The following ARHGEF4 variants were observed in gnomAD, a reference collection of about 807,000 sequenced individuals.
ARHGEF4 encodes Rho guanine nucleotide exchange factor 4.
In ARHGEF4, 119 loss-of-function variants were observed where a neutral mutation model predicts 162.0. The ratio of observed to expected loss-of-function variants is 0.73; its 90% CI spans 0.63 to 0.86. The LOEUF (loss-of-function observed/expected upper bound fraction) is 0.86. Ranked by LOEUF, ARHGEF4 falls within the 40% of genes least tolerant of loss-of-function variation. ARHGEF4 has a pLI of 0.00. For missense variants in ARHGEF4, 2,488 were observed against 2,456.0 expected (o/e 1.01, Z -0.28); for synonymous variants, 1,014 against 979.9 (o/e 1.03, Z -0.65).
intron 4 of ARHGEF4, among the ~76,000 whole-genome samples, chr2:130,984,834 C>A (rs576460589): frequency 7.4e-4 from 112 of 152,238 alleles, no homozygotes; most frequent in African/African-American, 2.6e-3. Context: ...GGGGTGCTTC[C>A]TTTCTCCATC....
At chr2:131,026,032 G>A (rs1223941635) in intron 4 of ARHGEF4, among the ~76,000 whole-genome samples, 1 of 152,030 alleles carries the variant, frequency 6.6e-6, no homozygotes, top group East Asian at 1.9e-4. Context: ...ATCTTTTGGA[G>A]ACCATTATTG....
chr2:130,889,621 G>A (rs1370112674), intron 1 of ARHGEF4, among the ~76,000 whole-genome samples: 1 of 151,628 alleles, frequency 6.6e-6, no homozygotes, highest in Admixed American at 6.6e-5. Context: ...GACCAGCCTG[G>A]CCAACATGGT....
intron 4 of ARHGEF4, among the ~76,000 whole-genome samples, chr2:131,027,265 G>A (rs1689541561): frequency 6.6e-6 from 1 of 152,206 alleles, no homozygotes; most frequent in African/African-American, 2.4e-5. Flanking sequence ...TGAGTGAAAA[G>A]AGCCAGCCAG....
chr2:130,949,598 C>T (rs1683828649), intron 4 of ARHGEF4, among the ~76,000 whole-genome samples: 1 of 151,554 alleles, frequency 6.6e-6, no homozygotes, highest in East Asian at 2.0e-4. Context: ...TCGTGATCCG[C>T]CTGTCTTGGC....
chr2:131,033,892 C>T (rs150614709), intron 5 of ARHGEF4, among the ~76,000 whole-genome samples: 296 of 152,254 alleles, frequency 1.9e-3, no homozygotes, highest in Middle Eastern at 0.01. Flanking sequence ...GAAACCCCAC[C>T]CACATACACA....
intron 4 of ARHGEF4, among the ~76,000 whole-genome samples, chr2:131,009,419 C>A (rs561101457): frequency 6.6e-6 from 1 of 152,190 alleles, no homozygotes; most frequent in South Asian, 2.1e-4. Flanking sequence ...TATTCTTTCA[C>A]CAGATTTGTG....
intron 1 of ARHGEF4, 150 bp downstream of exon 1, chr2:130,837,142 C>G: frequency 1.4e-6 from 1 of 729,494 alleles, no homozygotes; most frequent in East Asian, 3.5e-5. Context: ...CCGCTCCCAA[C>G]TTTCCGACGT....
At chr2:131,027,749 G>C (rs1482182981) in intron 4 of ARHGEF4, among the ~76,000 whole-genome samples, 196 bp from the exon 5 acceptor site, 2 of 152,138 alleles carry the variant, frequency 1.3e-5, no homozygotes, top group African/African-American at 4.8e-5. Flanking sequence ...GTGGTGGTGT[G>C]AGTGAGTTGG....
At chr2:130,848,953 G>T (rs1185285757) in intron 1 of ARHGEF4, among the ~76,000 whole-genome samples, 1 of 152,148 alleles carries the variant, frequency 6.6e-6, no homozygotes, top group Non-Finnish European at 1.5e-5. Flanking sequence ...CGGGCCCTGG[G>T]CACCTCGGAT....
chr2:130,871,551 A>G (rs1047540089), intron 1 of ARHGEF4, among the ~76,000 whole-genome samples: 2 of 148,132 alleles, frequency 1.4e-5, no homozygotes, highest in Non-Finnish European at 3.0e-5. Flanking sequence ...AAATATATAT[A>G]TATACATATA....
rs972530121 is a variant in ARHGEF4, at chr2:130,916,729, A to C, written c.2783A>C (p.Glu928Ala). 1.2e-5 allele frequency: 19 copies of C among 1,550,568 alleles called. No homozygotes were observed. Among genetic ancestry groups the C allele is most frequent in the Non-Finnish European group, 1.5e-5 (17 of 1,147,026 alleles). ...ATTGAGTCAATAGTTCTAGAGAAAG[A>C]GAACACCCATGAACGTTCCCCAAGT... ...NFIESIVLEKENTHERSPSSP... is the reference protein window; with the variant it reads ...NFIESIVLEKANTHERSPSSP... The change falls in exon 2 of 14, where the codon GAG becomes GCG. Residue 928 changes from glutamate (E) to alanine (A), a missense_variant. Transcript: ENST00000409359.
intron 2 of ARHGEF4, among the ~76,000 whole-genome samples, chr2:130,926,116 G>A (rs1048805194): frequency 7.1e-6 from 1 of 141,842 alleles, no homozygotes; most frequent in African/African-American, 2.6e-5. Flanking sequence ...GTATAATTCT[G>A]TCTCTTCCAT....
chr2:131,009,547 T>G (rs1009227843), intron 4 of ARHGEF4, among the ~76,000 whole-genome samples: 2 of 152,194 alleles, frequency 1.3e-5, no homozygotes, highest in Non-Finnish European at 2.9e-5. Flanking sequence ...TTTCCAACAT[T>G]TTTTTCTCTT....
intron 4 of ARHGEF4, among the ~76,000 whole-genome samples, chr2:131,017,181 G>A (rs924915587): frequency 2.0e-5 from 3 of 152,118 alleles, no homozygotes; most frequent in South Asian, 2.1e-4. Context: ...ATCCTTTAAC[G>A]CTTTCCTATG....
chr2:131,046,134 G>T lies in ARHGEF4; in HGVS notation c.5576G>T (p.Arg1859Leu). The change falls in exon 14 of 14, where the codon CGC (arginine) becomes CTC (leucine). Residue 1859 changes from arginine (R) to leucine (L), a missense_variant. Coordinates refer to ENST00000409359, the MANE Select transcript of ARHGEF4 (RefSeq NM_001367493.1). ...GTCCTGGTGCTGGCGGAGCCCAGGC[G>T]CAAGCCATCTACCTTCTGGCACAGC... ...QQVLVLAEPR[R>L]KPSTFWHSIS... 1 of 1,612,920 alleles carries T rather than the reference G, an allele frequency of 6.2e-7. No individual in the cohort carries two copies. The highest frequency in any genetic ancestry group is 8.5e-7 in the Non-Finnish European group (1 of 1,179,884).
At chr2:130,987,729 AC>A (rs1686618672) in intron 4 of ARHGEF4, among the ~76,000 whole-genome samples, 1 of 152,068 alleles carries the variant, frequency 6.6e-6, no homozygotes, top group Non-Finnish European at 1.5e-5. Flanking sequence ...GAGCCTGCAG[AC>A]CCCCAGCAGT....
In ARHGEF4 at chr2:131,046,114, G is replaced by C. The variant is rs777106753; in HGVS notation, c.5556G>C (p.Leu1852=). The change falls in exon 14 of 14, where the codon CTG becomes CTC. Residue 1852 remains leucine, a synonymous_variant. Transcript: ENST00000409359. ...GCAACCGGCCCCAGCAGCAGGTCCT[G>C]GTGCTGGCGGAGCCCAGGCGCAAGC... ...LPSNRPQQQV[L]VLAEPRRKPS... 21 of 1,612,864 alleles carry C rather than the reference G, an allele frequency of 1.3e-5. No homozygotes were observed. Among genetic ancestry groups the C allele is most frequent in the Non-Finnish European group, 1.3e-5 (15 of 1,179,920 alleles).
At chr2:130,903,140 C>T (rs191760396) in intron 1 of ARHGEF4, among the ~76,000 whole-genome samples, 5 of 146,574 alleles carry the variant, frequency 3.4e-5, no homozygotes, top group African/African-American at 4.9e-5. Context: ...TGAGTCTTTC[C>T]GTTTCTTCAT....
intron 4 of ARHGEF4, among the ~76,000 whole-genome samples, chr2:130,997,364 GT>G (rs1687464107): frequency 6.6e-6 from 1 of 152,174 alleles, no homozygotes; most frequent in African/African-American, 2.4e-5. Flanking sequence ...TGATGCTTTT[GT>G]TATGTATTTT....
Sources: allele counts gnomAD v4.1 joint callset (sites outside exome capture counted in the v4.1 genomes callset), GRCh38; gene constraint gnomAD v4.1.1; transcripts MANE v1.5; gene names NCBI Gene and HGNC (gene_info 2026-07-23, HGNC 2026-07-21).